The following CLCA4 variants were observed in gnomAD, a reference collection of about 807,000 sequenced individuals.
CLCA4 encodes the protein chloride channel accessory 4, also known as calcium-activated chloride channel regulator 4.
Under a neutral mutation model 78.9 loss-of-function variants are expected in CLCA4, and 69 were observed. The ratio of observed to expected loss-of-function variants is 0.87; its 90% CI spans 0.72 to 1.07. The LOEUF (loss-of-function observed/expected upper bound fraction) is 1.07. CLCA4 is among the 50% of genes least tolerant of loss of function. CLCA4 has a pLI of 0.00. For missense variants in CLCA4, 1,133 were observed against 1,095.8 expected (o/e 1.03, Z -0.48); for synonymous variants, 362 against 375.8 (o/e 0.96, Z 0.42).
intron 1 of CLCA4, among the ~76,000 whole-genome samples, chr1:86,553,969 T>C (rs933534358): frequency 6.6e-6 from 1 of 152,084 alleles, no homozygotes; most frequent in Admixed American, 6.5e-5. Flanking sequence ...GTATGACCCA[T>C]AGTGTCTTCT....
intron 7 of CLCA4, among the ~76,000 whole-genome samples, 171 bp downstream of exon 7, chr1:86,567,822 G>C (rs1650246433): frequency 6.6e-6 from 1 of 151,988 alleles, no homozygotes; most frequent in Non-Finnish European, 1.5e-5. Flanking sequence ...ATGGATCAGT[G>C]AATCAATGAA....
chr1:86,559,047 A>C (rs1649935184), intron 1 of CLCA4, among the ~76,000 whole-genome samples: 1 of 151,808 alleles, frequency 6.6e-6, no homozygotes, highest in Admixed American at 6.6e-5. Context: ...TTCTTGTGTA[A>C]AGTCTTGCAG....
intron 1 of CLCA4, chr1:86,552,999 C>A: frequency 1.6e-6 from 1 of 623,582 alleles, no homozygotes; most frequent in South Asian, 1.9e-5. Context: ...GGCCGTCTCC[C>A]AAGCCAGAGG....
At chr1:86,577,874 G>A (rs759270645) in intron 11 of CLCA4, 28 bp from the exon 12 acceptor site, 14 of 1,592,236 alleles carry the variant, frequency 8.8e-6, no homozygotes, top group Admixed American at 1.8e-5. Flanking sequence ...CTCTTTACAA[G>A]ACTTTATTCC....
chr1:86,553,069 T>A, intron 1 of CLCA4: 4 of 671,774 alleles, frequency 6.0e-6, no homozygotes, highest in Admixed American at 4.8e-5. Flanking sequence ...GAAGACCAAG[T>A]GGTCCAGCGG....
intron 1 of CLCA4, chr1:86,552,555 C>T (rs1366285756): frequency 1.8e-6 from 1 of 550,372 alleles, no homozygotes; most frequent in East Asian, 3.2e-5. Flanking sequence ...GGCGCACCCT[C>T]TACGGGAGCC....
chr1:86,567,604 C>A lies in CLCA4; in HGVS notation c.1135C>A (p.Pro379Thr). 1 of 1,612,924 alleles carries A rather than the reference C, an allele frequency of 6.2e-7. No individual in the cohort carries two copies. The highest frequency in any genetic ancestry group is 8.5e-7 in the Non-Finnish European group (1 of 1,179,244). ...ACTCATGGCAGGATTACCTACATAT[C>A]CTCTGGGAGGAACTTCCATCTGCTC... is the stretch of plus-strand genomic sequence containing the variant. ...NTLMAGLPTYPLGGTSICSGI... is the reference protein window; with the variant it reads ...NTLMAGLPTYTLGGTSICSGI... Residue 379 changes from proline to threonine, a missense_variant, in exon 7 of 14, where the codon CCT (proline) becomes ACT (threonine). Pro to Thr is a conservative substitution (Grantham distance 38). Coordinates refer to ENST00000370563, the MANE Select transcript of CLCA4 (RefSeq NM_012128.4).
At position 86,579,398 on chromosome 1, in the gene CLCA4, A is replaced by G. The variant is rs1324123913; in HGVS notation, c.2167A>G (p.Thr723Ala). ...GCCAAGACCTGAAATTGATGAGGAT[A>G]CTCAGACCACCTTGGAGGATTTCAG... ...NPPRPEIDED[T>A]QTTLEDFSRT... Residue 723 changes from threonine to alanine, a missense_variant, in exon 13 of 14, where the codon ACT becomes GCT. Thr to Ala is a moderately conservative substitution (Grantham distance 58). Coordinates refer to ENST00000370563, the MANE Select transcript of CLCA4 (RefSeq NM_012128.4). The G allele has an allele frequency of 3.1e-6, 5 of 1,613,254 alleles. No individual in the cohort carries two copies. The highest frequency in any genetic ancestry group is 4.2e-6 in the Non-Finnish European group (5 of 1,179,488).
intron 11 of CLCA4, among the ~76,000 whole-genome samples, chr1:86,576,149 AT>A (rs1341956563): frequency 2.6e-5 from 4 of 151,834 alleles, no homozygotes; most frequent in Admixed American, 2.0e-4. Flanking sequence ...TGGTTGTTGA[AT>A]TTTTTTGTTT....
chr1:86,571,496 A>G lies in CLCA4; in HGVS notation c.1360+242A>G, dbSNP rs145267183. On this transcript the variant is annotated intron_variant, in intron 8 of 13. Coordinates refer to ENST00000370563, the MANE Select transcript of CLCA4 (RefSeq NM_012128.4). Reference sequence around the variant, plus strand: ...GAGGAATATAGAAAAATAAAGTTCTATGTGAGCAGAGGAAGCCATTAGTTT... The same window carrying G: ...GAGGAATATAGAAAAATAAAGTTCTGTGTGAGCAGAGGAAGCCATTAGTTT... 9.4e-5 allele frequency: 33 copies of G among 351,202 alleles called. No homozygotes were observed. The East Asian group carries it at 1.4e-3, about 15-fold the overall frequency. 21.8% of individuals were successfully genotyped at this position (351,202 alleles called of 1,614,324 possible).
chr1:86,552,985 G>C, intron 1 of CLCA4: 1 of 625,556 alleles, frequency 1.6e-6, no homozygotes, highest in South Asian at 1.9e-5. Context: ...TGAGCCCTGT[G>C]CGTGGCCGTC....
chr1:86,559,781 T>G (rs1385127244), intron 1 of CLCA4, 151 bp from the exon 2 acceptor site: 30 of 645,256 alleles, frequency 4.6e-5, no homozygotes, highest in Non-Finnish European at 7.9e-5. Flanking sequence ...GGTTGACAGG[T>G]GGCAGAGTTA....
intron 1 of CLCA4, chr1:86,552,858 T>C (rs1223652517): frequency 2.7e-6 from 2 of 749,616 alleles, no homozygotes; most frequent in African/African-American, 1.7e-5. Context: ...ATATATCTGA[T>C]CGAGTGATTT....
At chr1:86,562,442 A>T (rs903882509) in intron 3 of CLCA4, among the ~76,000 whole-genome samples, 2 of 152,236 alleles carry the variant, frequency 1.3e-5, no homozygotes, top group African/African-American at 4.8e-5. Flanking sequence ...CCTTGTTAAT[A>T]TGCAGCTTCT....
chr1:86,547,239 T>C lies in CLCA4; in HGVS notation c.120T>C (p.Pro40=), dbSNP rs1395441176. 1 of 1,604,286 alleles carries C rather than the reference T, an allele frequency of 6.2e-7. No homozygotes were observed. Among genetic ancestry groups the C allele is most frequent in the African/African-American group, 1.3e-5 (1 of 74,636 alleles). ...AAGATATTGTCATTGTTATAGATCC[T>C]AGTGTGCCAGAAGATGAAAAAATAA... The part of the protein sequence containing the change: ...GFEDIVIVID[P]SVPEDEKIIE... The change falls in exon 1 of 14, where the codon CCT becomes CCC. Residue 40 remains proline (P), a synonymous_variant. Coordinates refer to ENST00000370563, the MANE Select transcript of CLCA4 (RefSeq NM_012128.4).
intron 11 of CLCA4, 95 bp downstream of exon 11, chr1:86,575,694 A>AATTG (rs1280012195): frequency 1.2e-5 from 13 of 1,120,822 alleles, no homozygotes; most frequent in Non-Finnish European, 1.6e-5. Flanking sequence ...CAGGCAACAG[A>AATTG]ATTGATGCAG....
chr1:86,553,257 G>A (rs1387941141), intron 1 of CLCA4: 36 of 897,102 alleles, frequency 4.0e-5, no homozygotes, highest in Middle Eastern at 4.4e-4. Flanking sequence ...CAAGCTGTAC[G>A]AGGACACGGT....
rs1023796084 is a variant in CLCA4 at position 86,559,279 on chromosome 1, T to C, written c.160-653T>C. On this transcript the variant is annotated intron_variant, in intron 1 of 13. Transcript: ENST00000370563. Reference sequence around the variant, plus strand: ...ACAGTTCTGTAATCAAAGTTTTGTCTCTACTATGGGTTTTTTTTCATCACA... The same window carrying C: ...ACAGTTCTGTAATCAAAGTTTTGTCCCTACTATGGGTTTTTTTTCATCACA... 3.9e-5 allele frequency among the ~76,000 whole-genome samples: 6 copies of C among 152,166 alleles called. No individual in the cohort carries two copies. In the South Asian group the frequency reaches 1.2e-3, roughly 32 times the overall value.
At chr1:86,570,119 A>C (rs1450058644) in intron 7 of CLCA4, among the ~76,000 whole-genome samples, 2 of 151,984 alleles carry the variant, frequency 1.3e-5, no homozygotes, top group Non-Finnish European at 2.9e-5. Context: ...AACATGCAAA[A>C]ATTGTAATAA....
Sources: allele counts gnomAD v4.1 joint callset (sites outside exome capture counted in the v4.1 genomes callset), GRCh38; gene constraint gnomAD v4.1.1; transcripts MANE v1.5; gene names NCBI Gene and HGNC (gene_info 2026-07-23, HGNC 2026-07-21).